The following FOXP1 variants were observed in gnomAD, a reference collection of about 807,000 sequenced individuals.
FOXP1 encodes the protein forkhead box P1.
In FOXP1, 15 loss-of-function variants were observed where a neutral mutation model predicts 98.2. The ratio of observed to expected loss-of-function variants is 0.15; its 90% CI spans 0.10 to 0.24. The LOEUF is 0.24. FOXP1 is among the 10% of genes least tolerant of loss of function. FOXP1 has a pLI of 1.00. For synonymous variants in FOXP1, 371 were observed against 314.5 expected, an observed-to-expected ratio of 1.18 and a Z score of -1.90; for missense variants, 633 against 848.5, an observed-to-expected ratio of 0.75 and a Z score of 3.15.
intron 12 of FOXP1, among the ~76,000 whole-genome samples, chr3:71,010,844 C>A (rs1479605469): frequency 6.7e-6 from 1 of 149,334 alleles, no homozygotes; most frequent in African/African-American, 2.5e-5. Context: ...TCCCCCCCCA[C>A]CCAGTGAGAT....
At chr3:71,238,925 ATTTC>A (rs1171462460) in intron 5 of FOXP1, among the ~76,000 whole-genome samples, 2 of 152,178 alleles carry the variant, frequency 1.3e-5, no homozygotes, top group Non-Finnish European at 2.9e-5. Context: ...TTCTCATTTG[ATTTC>A]TTTCTTATTT....
chr3:71,350,040 T>C (rs1469943467), intron 4 of FOXP1, among the ~76,000 whole-genome samples: 1 of 152,222 alleles, frequency 6.6e-6, no homozygotes, highest in African/African-American at 2.4e-5. Flanking sequence ...GTTTCATCCA[T>C]TCACTTATTA....
At chr3:71,319,563 C>G (rs141391288) in intron 4 of FOXP1, among the ~76,000 whole-genome samples, 1 of 152,264 alleles carries the variant, frequency 6.6e-6, no homozygotes, top group East Asian at 1.9e-4. Flanking sequence ...CCCCTACTCT[C>G]TCCTCCCTTT....
chr3:71,575,289 T>C (rs1254618405), intron 2 of FOXP1, among the ~76,000 whole-genome samples: 1 of 152,184 alleles, frequency 6.6e-6, no homozygotes, highest in Non-Finnish European at 1.5e-5. Flanking sequence ...CAAGTGAAGA[T>C]AGAGATTTCA....
At chr3:71,106,736 G>A (rs1339816963) in intron 7 of FOXP1, among the ~76,000 whole-genome samples, 1 of 150,744 alleles carries the variant, frequency 6.6e-6, no homozygotes, top group East Asian at 2.0e-4. Flanking sequence ...CTGAGATATG[G>A]TGCACACCAC....
chr3:71,036,693 G>A (rs2047641926), intron 11 of FOXP1, among the ~76,000 whole-genome samples: 1 of 152,056 alleles, frequency 6.6e-6, no homozygotes, highest in Non-Finnish European at 1.5e-5. Context: ...CCCCCATGAG[G>A]TTCATTTATG....
intron 6 of FOXP1, among the ~76,000 whole-genome samples, chr3:71,176,622 C>T (rs1246148847): frequency 6.6e-6 from 1 of 151,890 alleles, no homozygotes; most frequent in African/African-American, 2.4e-5. Flanking sequence ...GTGCCTGTAG[C>T]TTCACCTACT....
chr3:70,979,778 T>TAAA (rs34746282), intron 14 of FOXP1, among the ~76,000 whole-genome samples: 27 of 138,170 alleles, frequency 2.0e-4, no homozygotes, highest in African/African-American at 7.1e-4. Flanking sequence ...ACACTCTAGT[T>TAAA]AAAAAAAAAA....
intron 2 of FOXP1, among the ~76,000 whole-genome samples, chr3:71,494,518 G>A (rs1045973110): frequency 2.0e-5 from 3 of 152,108 alleles, no homozygotes; most frequent in African/African-American, 7.2e-5. Flanking sequence ...TAACCCTATT[G>A]AGCCAGCATC....
Position 71,149,437 on chromosome 3 carries a change from T to C in FOXP1, c.181-36800A>G, listed in dbSNP as rs575712469. Among the ~76,000 whole-genome samples the C allele has an allele frequency of 1.6e-4, 24 of 152,368 alleles. 1 individual carries two copies. The South Asian group carries it at 4.6e-3, about 29-fold the overall frequency. ...AAAGACATGGGATAAGAAAGCATTA[T>C]GTGCTAACTAGCTTGGCTGCATTTT... On this transcript the variant is annotated intron_variant, in intron 6 of 20. Coordinates refer to ENST00000649528, the MANE Select transcript of FOXP1 (RefSeq NM_001349338.3).
intron 2 of FOXP1, among the ~76,000 whole-genome samples, chr3:71,501,801 T>A (rs1339365355): frequency 6.6e-6 from 1 of 152,198 alleles, no homozygotes; most frequent in Non-Finnish European, 1.5e-5. Flanking sequence ...CTGAACTCGG[T>A]GTCTTTTACA....
intron 3 of FOXP1, among the ~76,000 whole-genome samples, chr3:71,368,099 G>C (rs757182213): frequency 6.6e-6 from 1 of 151,848 alleles, no homozygotes; most frequent in Non-Finnish European, 1.5e-5. Flanking sequence ...TCTTAGTTGG[G>C]ATTTATTTAT....
chr3:71,337,111 A>G (rs567886206), intron 4 of FOXP1, among the ~76,000 whole-genome samples: 3 of 152,356 alleles, frequency 2.0e-5, no homozygotes, highest in East Asian at 3.9e-4. Context: ...AATAATTAAC[A>G]AATGGAAATG....
intron 11 of FOXP1, among the ~76,000 whole-genome samples, chr3:71,028,912 C>T (rs1299742206): frequency 3.9e-5 from 6 of 152,238 alleles, no homozygotes; most frequent in African/African-American, 7.2e-5. Flanking sequence ...ATAGGATTCA[C>T]GCTCCTGTGA....
chr3:71,517,936 C>A (rs913441120), intron 2 of FOXP1, among the ~76,000 whole-genome samples: 6 of 152,166 alleles, frequency 3.9e-5, no homozygotes, highest in Admixed American at 1.3e-4. Flanking sequence ...GCTCTCCCCT[C>A]GAAATACATC....
At chr3:71,419,078 T>C (rs2083430440) in intron 3 of FOXP1, among the ~76,000 whole-genome samples, 1 of 150,986 alleles carries the variant, frequency 6.6e-6, no homozygotes, top group African/African-American at 2.4e-5. Flanking sequence ...CTACTAAAAA[T>C]ACAAGAAATT....
intron 2 of FOXP1, among the ~76,000 whole-genome samples, chr3:71,547,185 T>C (rs2045429513): frequency 6.6e-6 from 1 of 152,224 alleles, no homozygotes; most frequent in Non-Finnish European, 1.5e-5. Context: ...CAGTTGGGAT[T>C]AGCATTCTTC....
intron 3 of FOXP1, among the ~76,000 whole-genome samples, chr3:71,398,104 G>A (rs956288595): frequency 3.3e-5 from 5 of 152,136 alleles, no homozygotes; most frequent in Non-Finnish European, 7.4e-5. Flanking sequence ...ACCACTCATA[G>A]CTTCTAACAC....
chr3:71,127,863 G>A (rs1263447677), intron 6 of FOXP1, among the ~76,000 whole-genome samples: 1 of 152,178 alleles, frequency 6.6e-6, no homozygotes, highest in African/African-American at 2.4e-5. Flanking sequence ...TACAAAGTAT[G>A]ATTATCCAAC....
Sources: gnomAD v4.1 joint callset for allele counts (sites outside exome capture counted in the v4.1 genomes callset) on GRCh38, gnomAD v4.1.1 for gene constraint, MANE v1.5 for transcripts, NCBI Gene and HGNC (gene_info 2026-07-23, HGNC 2026-07-21) for gene names.